The following ERC2 variants were observed in gnomAD, a reference collection of about 807,000 sequenced individuals.
ERC2 encodes ELKS/RAB6-interacting/CAST family member 2.
In ERC2, 42 loss-of-function variants were observed where a neutral mutation model predicts 114.8. The observed-to-expected ratio is 0.37, with a 90% confidence interval of 0.29 to 0.47. The LOEUF (loss-of-function observed/expected upper bound fraction) is 0.47, where lower values mean the gene tolerates loss of function less well. ERC2 is among the 20% of genes least tolerant of loss of function. ERC2 has a pLI of 0.99. For synonymous variants in ERC2, 454 were observed against 425.5 expected (o/e 1.07, Z -0.82); for missense variants, 939 against 1,150.7 (o/e 0.82, Z 2.66).
intron 14 of ERC2, among the ~76,000 whole-genome samples, chr3:55,763,007 GT>G (rs34165363): frequency 0.49 from 74,759 of 151,952 alleles, 18,766 homozygotes; most frequent in Non-Finnish European, 0.53. Flanking sequence ...AATGATAGAG[GT>G]TAAATACATA....
rs182239577 is a variant in ERC2 at position 56,115,413 on chromosome 3, G to A, written c.1473+24096C>T. ...CTAACCATAGGGTTGGTTCCTCTAG[G>A]AACCAGCCCCCATTCTTCAAGAGTC... On this transcript the variant is annotated intron_variant, in intron 6 of 17. Transcript: ENST00000288221. Among the ~76,000 whole-genome samples, 305 of 152,114 alleles carry A rather than the reference G, an allele frequency of 2.0e-3. 2 individuals are homozygous for A. The highest frequency in any genetic ancestry group is 5.3e-3 in the Admixed American group (81 of 15,288).
At chr3:55,957,535 T>C (rs764191743) in intron 12 of ERC2, among the ~76,000 whole-genome samples, 1 of 152,202 alleles carries the variant, frequency 6.6e-6, no homozygotes, top group Non-Finnish European at 1.5e-5. Flanking sequence ...GCACCCCTGC[T>C]TGGGTTTTGC....
chr3:56,274,120 G>C (rs1171128067), intron 3 of ERC2, among the ~76,000 whole-genome samples: 1 of 152,160 alleles, frequency 6.6e-6, no homozygotes, highest in African/African-American at 2.4e-5. Context: ...GTGAGCAGAG[G>C]GCAAGGGAGC....
At chr3:55,678,746 G>C (rs1258717757) in intron 17 of ERC2, among the ~76,000 whole-genome samples, 3 of 152,142 alleles carry the variant, frequency 2.0e-5, no homozygotes, top group South Asian at 4.1e-4. Flanking sequence ...GACATCTGGG[G>C]AAACCAGAAC....
intron 15 of ERC2, among the ~76,000 whole-genome samples, chr3:55,700,452 C>T (rs1328377696): frequency 9.8e-5 from 15 of 152,324 alleles, no homozygotes; most frequent in Non-Finnish European, 1.5e-5. Context: ...ATTTCCTCAA[C>T]TCTAAAATGA....
chr3:56,453,365 C>G (rs1360717903), intron 1 of ERC2, among the ~76,000 whole-genome samples: 1 of 152,170 alleles, frequency 6.6e-6, no homozygotes, highest in African/African-American at 2.4e-5. Flanking sequence ...ATAAAGATAA[C>G]ATGGAGCAGA....
intron 17 of ERC2, among the ~76,000 whole-genome samples, chr3:55,610,311 C>T (rs969872138): frequency 4.6e-5 from 7 of 152,010 alleles, no homozygotes; most frequent in South Asian, 2.1e-4. Flanking sequence ...CTCCCCATTT[C>T]CTGGTTAAAA....
At chr3:56,234,213 T>C (rs1386295904) in intron 3 of ERC2, among the ~76,000 whole-genome samples, 1 of 152,200 alleles carries the variant, frequency 6.6e-6, no homozygotes. Context: ...AGTAGCAGCA[T>C]GAAATAAACT....
chr3:56,057,445 C>A (rs2076063742), intron 7 of ERC2, among the ~76,000 whole-genome samples: 1 of 152,178 alleles, frequency 6.6e-6, no homozygotes, highest in Non-Finnish European at 1.5e-5. Context: ...CCTATAAAAT[C>A]TTCAGAACAG....
At chr3:56,392,547 A>C (rs1419910278) in intron 2 of ERC2, among the ~76,000 whole-genome samples, 1 of 152,160 alleles carries the variant, frequency 6.6e-6, no homozygotes, top group African/African-American at 2.4e-5. Context: ...ACTGGAACTC[A>C]TTAACTCTAT....
At chr3:56,261,127 T>C (rs1177207404) in intron 3 of ERC2, among the ~76,000 whole-genome samples, 1 of 152,180 alleles carries the variant, frequency 6.6e-6, no homozygotes, top group Non-Finnish European at 1.5e-5. Context: ...CTATACCCTC[T>C]GTCTTTAGCG....
intron 2 of ERC2, among the ~76,000 whole-genome samples, chr3:56,309,827 G>A (rs1341054251): frequency 6.6e-6 from 1 of 152,144 alleles, no homozygotes; most frequent in Non-Finnish European, 1.5e-5. Context: ...AGACACTGGT[G>A]GTGGCTAGAG....
At chr3:56,406,597 G>T (rs1247304254) in intron 2 of ERC2, among the ~76,000 whole-genome samples, 2 of 152,098 alleles carry the variant, frequency 1.3e-5, no homozygotes, top group Admixed American at 6.5e-5. Context: ...AATAATTTTT[G>T]AACAAGGGCC....
chr3:56,216,474 C>A (rs2049479519), intron 3 of ERC2, among the ~76,000 whole-genome samples: 2 of 152,194 alleles, frequency 1.3e-5, no homozygotes, highest in South Asian at 4.1e-4. Context: ...AGACCAATAA[C>A]AGGCTCTGAA....
chr3:55,985,374 C>G (rs1201641572), intron 12 of ERC2, among the ~76,000 whole-genome samples: 1 of 152,004 alleles, frequency 6.6e-6, no homozygotes, highest in East Asian at 1.9e-4. Flanking sequence ...TTAAAGTATG[C>G]CTTATGGATA....
At chr3:56,059,675 T>C (rs934826962) in intron 7 of ERC2, among the ~76,000 whole-genome samples, 2 of 152,196 alleles carry the variant, frequency 1.3e-5, no homozygotes, top group African/African-American at 4.8e-5. Context: ...TTGTGCCACA[T>C]CACAATTCTT....
chr3:55,700,063 G>A (rs189480498), intron 15 of ERC2, among the ~76,000 whole-genome samples: 22 of 152,292 alleles, frequency 1.4e-4, no homozygotes, highest in African/African-American at 5.1e-4. Flanking sequence ...GGCTCTCTAC[G>A]GACATTTTAA....
chr3:56,267,445 G>T (rs2053384689), intron 3 of ERC2, among the ~76,000 whole-genome samples: 1 of 152,126 alleles, frequency 6.6e-6, no homozygotes, highest in African/African-American at 2.4e-5. Context: ...ATAGAAGAAT[G>T]GTTATGGCAG....
intron 3 of ERC2, among the ~76,000 whole-genome samples, chr3:56,204,873 A>G (rs1472584892): frequency 4.1e-5 from 6 of 147,394 alleles, no homozygotes; most frequent in African/African-American, 1.5e-4. Flanking sequence ...TCCCCAAAAC[A>G]GCCACTTACA....
Sources: gnomAD v4.1 joint callset for allele counts (sites outside exome capture counted in the v4.1 genomes callset) on GRCh38, gnomAD v4.1.1 for gene constraint, MANE v1.5 for transcripts, NCBI Gene and HGNC (gene_info 2026-07-23, HGNC 2026-07-21) for gene names.